The following MAP3K15 variants were observed in gnomAD, a reference collection of about 807,000 sequenced individuals.
The protein encoded by MAP3K15 is mitogen-activated protein kinase kinase kinase 15.
A neutral mutation model predicts 99.5 loss-of-function variants in MAP3K15; 124 were observed. The ratio of observed to expected loss-of-function variants is 1.25; its 90% CI spans 1.08 to 1.45. The LOEUF (loss-of-function observed/expected upper bound fraction) is 1.45, where lower values mean the gene tolerates loss of function less well. MAP3K15 is among the 40% of genes most tolerant of loss of function. The pLI is 0.00. For missense variants in MAP3K15, 1,242 were observed against 1,079.7 expected, an observed-to-expected ratio of 1.15 and a Z score of -2.11; for synonymous variants, 494 against 439.6, an observed-to-expected ratio of 1.12 and a Z score of -1.55.
intron 3 of MAP3K15, chrX:19,482,179 C>CAAAAAAAGAAAAAAAAAAAAAAA (rs2064295415): frequency 3.2e-5 from 1 of 31,476 alleles, no homozygotes; most frequent in Non-Finnish European, 6.3e-5. Flanking sequence ...GATTCCAGCT[C>CAAAAAAAGAAAAAAAAAAAAAAA]AAAAAAAAAA....
At chrX:19,414,146 A>C (rs2063713628) in intron 10 of MAP3K15, 1 of 104,719 alleles carries the variant, frequency 9.5e-6, no homozygotes, top group Admixed American at 1.0e-4. Flanking sequence ...GTCTCAAAAA[A>C]AGAAAAAAAA....
chrX:19,418,556 A>G (rs1200039831), intron 9 of MAP3K15, among the ~76,000 whole-genome samples: 2 of 111,324 alleles, frequency 1.8e-5, no homozygotes, highest in African/African-American at 6.5e-5. Flanking sequence ...CCAAATCTAC[A>G]TCTGATTGGT....
At chrX:19,385,715 T>A (rs1456333301) in intron 18 of MAP3K15, among the ~76,000 whole-genome samples, 1 of 111,363 alleles carries the variant, frequency 9.0e-6, no homozygotes, top group Admixed American at 9.6e-5. Flanking sequence ...GCTAAAGGAT[T>A]CGCTTAGGCT....
chrX:19,417,873 C>T (rs1487403316), intron 9 of MAP3K15, among the ~76,000 whole-genome samples: 3 of 111,901 alleles, frequency 2.7e-5, no homozygotes, highest in African/African-American at 9.8e-5. Flanking sequence ...GCAACAACAT[C>T]TGCTGTTCAC....
At chrX:19,374,151 T>G (rs2063400797) in intron 20 of MAP3K15, among the ~76,000 whole-genome samples, 1 of 110,818 alleles carries the variant, frequency 9.0e-6, no homozygotes, top group Non-Finnish European at 1.9e-5. Flanking sequence ...CTCTGGCACA[T>G]GGTGAAGACG....
chrX:19,401,515 GC>G (rs1461362470), intron 13 of MAP3K15, among the ~76,000 whole-genome samples: 1 of 111,620 alleles, frequency 9.0e-6, no homozygotes, highest in Admixed American at 9.6e-5. Flanking sequence ...TTGAAGTCTG[GC>G]CCCAAGACCA....
intron 1 of MAP3K15, among the ~76,000 whole-genome samples, chrX:19,490,014 C>T (rs1334200673): frequency 9.1e-6 from 1 of 110,447 alleles, no homozygotes. Context: ...CCAGCCTGGG[C>T]AACAGAGTGA....
intron 13 of MAP3K15, among the ~76,000 whole-genome samples, chrX:19,402,203 G>A (rs1281584250): frequency 9.1e-6 from 1 of 109,903 alleles, no homozygotes. Context: ...ACTGAGGTAG[G>A]AAGATTGCTT....
At chrX:19,402,063 A>G (rs949117408) in intron 13 of MAP3K15, among the ~76,000 whole-genome samples, 19 of 110,968 alleles carry the variant, frequency 1.7e-4, no homozygotes, top group African/African-American at 5.2e-4. Flanking sequence ...TGAAGCGGGA[A>G]GACTGCTTGA....
chrX:19,382,391 G>C (rs1355426306), intron 18 of MAP3K15, among the ~76,000 whole-genome samples: 1 of 111,465 alleles, frequency 9.0e-6, no homozygotes, highest in Admixed American at 9.5e-5. Flanking sequence ...GTGACGGATG[G>C]AATGTCCTGC....
intron 6 of MAP3K15, among the ~76,000 whole-genome samples, chrX:19,453,232 G>A (rs913009174): frequency 9.0e-6 from 1 of 111,245 alleles, no homozygotes; most frequent in Admixed American, 9.6e-5. Flanking sequence ...CGGGCACAGT[G>A]GCTCATGTCT....
intron 25 of MAP3K15, 140 bp from the exon 26 acceptor site, chrX:19,362,990 G>A (rs888822446): frequency 2.6e-6 from 1 of 386,109 alleles, no homozygotes; most frequent in Non-Finnish European, 4.5e-6. Context: ...AGCCTAGAGA[G>A]GGAAGCACAT....
Position 19,384,390 on chromosome X carries a change from A to C in MAP3K15, c.2432-4113T>G, listed in dbSNP as rs773530378. On this transcript the variant is annotated intron_variant, in intron 18 of 28. Coordinates refer to ENST00000338883, the MANE Select transcript of MAP3K15 (RefSeq NM_001001671.4). ...TGGGGATGGTTAGTGGGTACAAAAA[A>C]AAATAGAAAGAATGAATAAGATCTA... 2.7e-4 allele frequency among the ~76,000 whole-genome samples: 30 copies of C among 109,657 alleles called. No individual in the cohort carries two copies. In the East Asian group the frequency reaches 7.7e-3, roughly 28 times the overall value.
rs79798608 is a variant in MAP3K15, at chrX:19,392,077, C to T, written c.2356G>A (p.Gly786Arg). The T allele has an allele frequency of 2.2e-3, 2,702 of 1,208,821 alleles. 40 individuals are homozygous for T. In the African/African-American group the frequency reaches 0.039, roughly 18 times the overall value. The change falls in exon 18 of 29, where the codon GGA (glycine) becomes AGA (arginine). Residue 786 changes from glycine to arginine, a missense_variant. Gly to Arg is a moderately radical substitution (Grantham distance 125). Coordinates refer to ENST00000338883, the MANE Select transcript of MAP3K15 (RefSeq NM_001001671.4). ...GDNVLVNTYS[G>R]VVKISDFGTS... ...CCAAAATCGGAGATTTTCACCACTCCGCTGTAGGTGTTCACCAGAACATTA... is the reference window on the plus strand; with the variant it reads ...CCAAAATCGGAGATTTTCACCACTCTGCTGTAGGTGTTCACCAGAACATTA...
intron 6 of MAP3K15, among the ~76,000 whole-genome samples, chrX:19,454,739 T>A (rs753227389): frequency 8.9e-6 from 1 of 112,147 alleles, no homozygotes; most frequent in South Asian, 3.7e-4. Flanking sequence ...ATAAACTCGC[T>A]CAAAACTATA....
At chrX:19,403,460 C>A (rs868235427) in intron 13 of MAP3K15, among the ~76,000 whole-genome samples, 1 of 87,002 alleles carries the variant, frequency 1.1e-5, no homozygotes, top group Admixed American at 1.3e-4. Context: ...TTATTCTATT[C>A]TTTTTTTTTT....
intron 25 of MAP3K15, among the ~76,000 whole-genome samples, chrX:19,368,841 GTTT>G (rs773761949): frequency 4.3e-5 from 4 of 94,081 alleles, no homozygotes; most frequent in African/African-American, 7.7e-5. Flanking sequence ...CTGATTCTGA[GTTT>G]TTTTTTTTTT....
chrX:19,383,122 G>A lies in MAP3K15; in HGVS notation c.2432-2845C>T, dbSNP rs763594093. Among the ~76,000 whole-genome samples the A allele has an allele frequency of 2.7e-5, 3 of 111,130 alleles. No homozygotes were observed. In the South Asian group the frequency reaches 1.2e-3, roughly 43 times the overall value. On this transcript the variant is annotated intron_variant, in intron 18 of 28. Coordinates refer to ENST00000338883, the MANE Select transcript of MAP3K15 (RefSeq NM_001001671.4). ...TCAGAGGTACCTGCTCCAGCCTGGTGACACTCCCTCCGAACAAGTTCTAAT... is the reference window on the plus strand; with the variant it reads ...TCAGAGGTACCTGCTCCAGCCTGGTAACACTCCCTCCGAACAAGTTCTAAT...
At chrX:19,509,553 A>G (rs953318444) in intron 1 of MAP3K15, among the ~76,000 whole-genome samples, 1 of 112,122 alleles carries the variant, frequency 8.9e-6, no homozygotes, top group Non-Finnish European at 1.9e-5. Flanking sequence ...AATGAGAACA[A>G]AGATACAATG....
Sources: gnomAD v4.1 joint callset for allele counts (sites outside exome capture counted in the v4.1 genomes callset) on GRCh38, gnomAD v4.1.1 for gene constraint, MANE v1.5 for transcripts, NCBI Gene and HGNC (gene_info 2026-07-23, HGNC 2026-07-21) for gene names.